EIF3B: variants seen among roughly 807,000 people sequenced by gnomAD.
The protein encoded by EIF3B is eukaryotic translation initiation factor 3 subunit B, also known as eukaryotic translation initiation factor 3 subunit 9.
Under a neutral mutation model 104.6 loss-of-function variants are expected in EIF3B, and 10 were observed. The ratio of observed to expected loss-of-function variants is 0.10; its 90% CI spans 0.06 to 0.16. The LOEUF is 0.16. Among genes scored for constraint, EIF3B ranks in the 10% least tolerant of loss-of-function variants. The pLI is 1.00. For synonymous variants in EIF3B, 542 were observed against 417.2 expected (o/e 1.30, Z -3.65); for missense variants, 1,014 against 1,087.9 (o/e 0.93, Z 0.96).
intron 1 of EIF3B, among the ~76,000 whole-genome samples, chr7:2,358,394 A>G (rs1441306905): frequency 1.3e-5 from 2 of 150,832 alleles, no homozygotes; most frequent in African/African-American, 4.9e-5. Flanking sequence ...AGTTTTCAAT[A>G]TTTCCGAAAG....
rs746404379 is a variant in EIF3B at position 2,355,272 on chromosome 7, C to G, written c.351C>G (p.Ser117=). 120 of 1,532,744 alleles carry G rather than the reference C, an allele frequency of 7.8e-5. No homozygotes were observed. Among genetic ancestry groups the G allele is most frequent in the Non-Finnish European group, 9.8e-5 (112 of 1,146,408 alleles). The allele number at this position is 1,532,744 out of a possible 1,614,324, so 94.9% of individuals were successfully genotyped here. A position where few individuals can be genotyped will look rare whatever the true frequency, so the allele number is the denominator to read the frequency against. Residue 117 remains serine (S), a synonymous_variant, in exon 1 of 19, where the codon TCC becomes TCG. Coordinates refer to ENST00000360876, the MANE Select transcript of EIF3B (RefSeq NM_001037283.2). ...GAGAGCAGGCTCGGGACGAGCGCTC[C>G]GACAGCCGGGCCCAGGCGGTGTCCG... ...APGEQARDER[S]DSRAQAVSED... is the part of the protein sequence containing the mutation.
At chr7:2,376,366 G>A (rs1780632466) in intron 14 of EIF3B, 1 of 149,166 alleles carries the variant, frequency 6.7e-6, no homozygotes, top group Non-Finnish European at 1.5e-5. Context: ...TTTTTAAGCT[G>A]TTGACCACTC....
At chr7:2,379,723 C>T in intron 18 of EIF3B, 1 of 546,320 alleles carries the variant, frequency 1.8e-6, no homozygotes, top group Non-Finnish European at 3.3e-6. Flanking sequence ...CAGATGGCGC[C>T]TTTCAGGCAG....
Position 2,377,051 on chromosome 7 carries a change from A to G in EIF3B, c.2130A>G (p.Thr710=), listed in dbSNP as rs373984035. 24 of 1,613,174 alleles carry G rather than the reference A, an allele frequency of 1.5e-5. No homozygotes were observed. Among genetic ancestry groups the G allele is most frequent in the Middle Eastern group, 1.6e-4 (1 of 6,080 alleles). The part of the protein sequence containing the change: ...CQLLWRPRPP[T]LLSQEQIKQI... ...TGCTGTGGCGGCCCCGGCCTCCCACACTCCTGAGCCAGGAACAGATCAAGG... is the reference window on the plus strand; with the variant it reads ...TGCTGTGGCGGCCCCGGCCTCCCACGCTCCTGAGCCAGGAACAGATCAAGG... The change falls in exon 15 of 19, where the codon ACA becomes ACG. Residue 710 remains threonine, a synonymous_variant. Coordinates refer to ENST00000360876, the MANE Select transcript of EIF3B (RefSeq NM_001037283.2).
intron 18 of EIF3B, 62 bp from the exon 19 acceptor site, chr7:2,380,142 T>G (rs1163755691): frequency 3.0e-6 from 1 of 330,192 alleles, no homozygotes; most frequent in Non-Finnish European, 6.0e-6. Flanking sequence ...AAGGCGATGT[T>G]CAGGGGGTCC....
Position 2,376,991 on chromosome 7 carries a change from C to A in EIF3B, c.2070C>A (p.Leu690=). The A allele has an allele frequency of 1.2e-6, 2 of 1,613,960 alleles. No homozygotes were observed. Among genetic ancestry groups the A allele is most frequent in the Non-Finnish European group, 1.7e-6 (2 of 1,180,032 alleles). ...GGCTGTGGACTTTCCAGGGACGCCT[C>A]CTGCAGAAGAACAACAAGGACCGCT... ...AYWLWTFQGR[L]LQKNNKDRFC... The change falls in exon 15 of 19, where the codon CTC becomes CTA. Residue 690 remains leucine (L), a synonymous_variant. Coordinates refer to ENST00000360876, the MANE Select transcript of EIF3B (RefSeq NM_001037283.2).
intron 9 of EIF3B, among the ~76,000 whole-genome samples, chr7:2,367,277 G>T (rs1279645608): frequency 6.6e-6 from 1 of 151,900 alleles, no homozygotes; most frequent in African/African-American, 2.4e-5. Context: ...CTGGAGGAAG[G>T]CCTCCGTGGC....
At position 2,366,241 on chromosome 7, in the gene EIF3B, G is replaced by A. The variant is rs573297152; in HGVS notation, c.1158-76G>A. The stretch of plus-strand genomic sequence containing the variant: ...AGCTGGTTCCGCGAGTTCTGACGGC[G>A]TGTTCTGGCCGCACAGACAGACTGT... On this transcript the variant is annotated intron_variant, in intron 6 of 18. Transcript: ENST00000360876. 3.1e-5 allele frequency: 45 copies of A among 1,465,260 alleles called. No individual in the cohort carries two copies. The East Asian group carries it at 5.7e-4, about 18-fold the overall frequency. The allele number at this position is 1,465,260 out of a possible 1,614,324, so 90.8% of individuals were successfully genotyped here.
At position 2,378,967 on chromosome 7, in the gene EIF3B, G is replaced by A. The variant is rs547051537; in HGVS notation, c.2233-167G>A. ...GTTGGTGACCTCACTGCTGCCTTGT[G>A]GGTGGGGGGCAGCGTTGGGGGAAAA... On this transcript the variant is annotated intron_variant, in intron 16 of 18. Coordinates refer to ENST00000360876, the MANE Select transcript of EIF3B (RefSeq NM_001037283.2). 6.7e-6 allele frequency: 5 copies of A among 746,242 alleles called. No individual in the cohort carries two copies. The South Asian group carries it at 7.2e-5, about 11-fold the overall frequency. The allele number at this position is 746,242 out of a possible 1,614,324, so 46.2% of individuals were successfully genotyped here. A position where few individuals can be genotyped will look rare whatever the true frequency, so the allele number is the denominator to read the frequency against.
intron 14 of EIF3B, 90 bp from the exon 15 acceptor site, chr7:2,376,860 G>A (rs1461950340): frequency 3.3e-6 from 5 of 1,530,896 alleles, no homozygotes; most frequent in Non-Finnish European, 4.4e-6. Context: ...ACGTGTCCCC[G>A]ATACCCAGGA....
intron 15 of EIF3B, chr7:2,378,376 GCTC>G (rs1780789014): frequency 1.6e-5 from 4 of 257,536 alleles, no homozygotes; most frequent in Non-Finnish European, 2.7e-5. Context: ...ACAGGCGAGC[GCTC>G]CTGGGATGCT....
At chr7:2,374,992 G>A (rs1780557117) in intron 13 of EIF3B, 2 of 303,534 alleles carry the variant, frequency 6.6e-6, no homozygotes, top group East Asian at 6.3e-5. Context: ...TTTGTGGTTG[G>A]TGTCACGGTG....
chr7:2,366,344 G>C lies in EIF3B; in HGVS notation c.1185G>C (p.Met395Ile), dbSNP rs1780027170. 1.2e-6 allele frequency: 2 copies of C among 1,612,438 alleles called. No homozygotes were observed. Among genetic ancestry groups the C allele is most frequent in the Non-Finnish European group, 1.7e-6 (2 of 1,179,314 alleles). The change falls in exon 7 of 19, where the codon ATG (methionine) becomes ATC (isoleucine). Residue 395 changes from methionine (M) to isoleucine (I), a missense_variant. Transcript: ENST00000360876. Reference protein sequence around the residue: ...ERYLVTFSPLMDTQDDPQAII... With the variant: ...ERYLVTFSPLIDTQDDPQAII... Reference sequence around the variant, plus strand: ...ACCTGGTGACCTTTAGCCCCCTGATGGACACGCAGGATGACCCTCAGGCCA... The same window carrying C: ...ACCTGGTGACCTTTAGCCCCCTGATCGACACGCAGGATGACCCTCAGGCCA...
intron 1 of EIF3B, among the ~76,000 whole-genome samples, 162 bp from the exon 2 acceptor site, chr7:2,360,548 G>A (rs1271561274): frequency 6.6e-6 from 1 of 152,196 alleles, no homozygotes; most frequent in Non-Finnish European, 1.5e-5. Context: ...CAGCTGTCAT[G>A]TTTAAAATCT....
chr7:2,362,985 C>T, intron 3 of EIF3B, 85 bp from the exon 4 acceptor site: 1 of 1,533,810 alleles, frequency 6.5e-7, no homozygotes, highest in Non-Finnish European at 9.0e-7. Context: ...CAGGCAGGAG[C>T]ACAGCAGGGC....
Position 2,354,976 on chromosome 7 carries a change from C to A in EIF3B, c.55C>A (p.Pro19Thr). 1 of 1,185,572 alleles carries A rather than the reference C, an allele frequency of 8.4e-7. No homozygotes were observed. Among genetic ancestry groups the A allele is most frequent in the East Asian group, 4.2e-5 (1 of 23,820 alleles). 73.4% of individuals were successfully genotyped at this position (1,185,572 alleles called of 1,614,324 possible). ...VPEAAEERAE[P>T]GQQQPAAEPP... ...CGAGGCGGCCGAGGAGCGCGCCGAG[C>A]CCGGCCAGCAGCAGCCGGCCGCCGA... The change falls in exon 1 of 19, where the codon CCC becomes ACC. Residue 19 changes from proline to threonine, a missense_variant. Around this residue, in one of 4 missense-constraint regions of EIF3B, gnomAD observed 488 missense variants for 404.3 expected, o/e 1.21. Coordinates refer to ENST00000360876, the MANE Select transcript of EIF3B (RefSeq NM_001037283.2).
At chr7:2,367,824 AATTTTT>A (rs1780110444) in intron 9 of EIF3B, among the ~76,000 whole-genome samples, 4 of 101,722 alleles carry the variant, frequency 3.9e-5, no homozygotes, top group African/African-American at 1.6e-4. Flanking sequence ...CTTTTTTTAA[AATTTTT>A]TTTTTTTTTT....
At chr7:2,374,911 C>T (rs1387579355) in intron 13 of EIF3B, 1 of 336,340 alleles carries the variant, frequency 3.0e-6, no homozygotes, top group East Asian at 4.9e-5. Flanking sequence ...CCAGTAACCT[C>T]CCCCCGGGGG....
chr7:2,378,836 G>T, intron 16 of EIF3B, 70 bp downstream of exon 16: 1 of 1,368,372 alleles, frequency 7.3e-7, no homozygotes, highest in South Asian at 1.2e-5. Flanking sequence ...GGGCTGCGGG[G>T]AGCTGCTGTG....
Sources: gnomAD v4.1 joint callset for allele counts (sites outside exome capture counted in the v4.1 genomes callset) on GRCh38, gnomAD v4.1.1 for gene constraint, gnomAD v4.1.1 regional missense constraint, MANE v1.5 for transcripts, NCBI Gene and HGNC (gene_info 2026-07-23, HGNC 2026-07-21) for gene names.